Variants in DARS1 observed in about 807,000 individuals in gnomAD.
The protein encoded by DARS1 is aspartyl-tRNA synthetase 1.
DARS1 carries 51 observed loss-of-function variants against 68.8 expected under a neutral mutation model. The ratio of observed to expected loss-of-function variants is 0.74; its 90% CI spans 0.59 to 0.94. The LOEUF (loss-of-function observed/expected upper bound fraction) is 0.94. Ranked by LOEUF, DARS1 falls within the 40% of genes least tolerant of loss-of-function variation. The pLI is 0.00. For missense variants in DARS1, 607 were observed against 597.3 expected, an observed-to-expected ratio of 1.02 and a Z score of -0.17; for synonymous variants, 203 against 190.4, an observed-to-expected ratio of 1.07 and a Z score of -0.55.
At chr2:135,907,515 A>G in intron 15 of DARS1, 108 bp from the exon 16 acceptor site, 1 of 692,376 alleles carries the variant, frequency 1.4e-6, no homozygotes, top group Non-Finnish European at 2.3e-6. Flanking sequence ...TTTCCTTGTT[A>G]GGAAAGAAAA....
chr2:135,979,086 T>G (rs1000138199), intron 3 of DARS1, 188 bp downstream of exon 3: 2 of 439,834 alleles, frequency 4.5e-6, no homozygotes, highest in African/African-American at 4.1e-5. Flanking sequence ...TCAAATTATT[T>G]GTAAGGATGT....
At chr2:135,974,251 A>G (rs1238018405) in intron 3 of DARS1, among the ~76,000 whole-genome samples, 2 of 152,226 alleles carry the variant, frequency 1.3e-5, no homozygotes, top group Non-Finnish European at 1.5e-5. Context: ...GCACATGTAC[A>G]GGTCTGGCAT....
At chr2:135,911,071 C>A in intron 15 of DARS1, 68 bp downstream of exon 15, 1 of 716,592 alleles carries the variant, frequency 1.4e-6, no homozygotes, top group Non-Finnish European at 2.4e-6. Context: ...TTTAAAAATT[C>A]TTGTAATTCA....
intron 3 of DARS1, among the ~76,000 whole-genome samples, chr2:135,975,315 A>C (rs1682471107): frequency 6.6e-6 from 1 of 152,198 alleles, no homozygotes; most frequent in African/African-American, 2.4e-5. Context: ...ACTGCACTCC[A>C]GCCTGGGCGA....
intron 7 of DARS1, among the ~76,000 whole-genome samples, chr2:135,931,348 T>C (rs1395991181): frequency 6.6e-6 from 1 of 152,188 alleles, no homozygotes; most frequent in Admixed American, 6.5e-5. Context: ...GCAATCCTCC[T>C]GCTTCAGCCT....
chr2:135,949,717 A>T (rs1681802448), intron 4 of DARS1, among the ~76,000 whole-genome samples: 1 of 152,216 alleles, frequency 6.6e-6, no homozygotes, highest in Non-Finnish European at 1.5e-5. Context: ...CAAATTGATT[A>T]AAATAATGTG....
chr2:135,950,982 C>T (rs1294884540), intron 4 of DARS1, among the ~76,000 whole-genome samples: 2 of 151,962 alleles, frequency 1.3e-5, no homozygotes, highest in African/African-American at 4.8e-5. Context: ...CAGGAAGAGG[C>T]TGAAAAGACT....
intron 3 of DARS1, among the ~76,000 whole-genome samples, chr2:135,965,093 G>A (rs997888580): frequency 4.6e-5 from 7 of 151,910 alleles, no homozygotes; most frequent in South Asian, 2.1e-4. Flanking sequence ...ATAATAGACC[G>A]TATTAGATAA....
At chr2:135,966,683 T>C (rs189441507) in intron 3 of DARS1, among the ~76,000 whole-genome samples, 1 of 152,078 alleles carries the variant, frequency 6.6e-6, no homozygotes, top group Non-Finnish European at 1.5e-5. Context: ...AAGCGTGTAA[T>C]CCCATGCCTA....
At position 135,961,615 on chromosome 2, in the gene DARS1, C is replaced by CGCAT. The variant is rs1429623141; in HGVS notation, c.218-121_218-118dup. ...CAAAATTTACTATACTCATCAGGCA[C>CGCAT]GCATGCATGTGTATACTATCCATTT... On this transcript the variant is annotated intron_variant, in intron 3 of 15. Transcript: ENST00000264161. The CGCAT allele has an allele frequency of 1.6e-5, 11 of 675,804 alleles. No individual in the cohort carries two copies. In the African/African-American group the frequency reaches 1.8e-4, roughly 11 times the overall value. The allele number at this position is 675,804 out of a possible 1,614,324, so 41.9% of individuals were successfully genotyped here.
chr2:135,912,680 T>C, intron 12 of DARS1, 114 bp from the exon 13 acceptor site: 1 of 480,052 alleles, frequency 2.1e-6, no homozygotes, highest in Non-Finnish European at 3.7e-6. Flanking sequence ...CTAATTATAT[T>C]GTATATACAA....
chr2:135,931,073 C>T (rs746093770), intron 7 of DARS1, among the ~76,000 whole-genome samples: 1 of 152,026 alleles, frequency 6.6e-6, no homozygotes, highest in Non-Finnish European at 1.5e-5. Context: ...CATTCATATA[C>T]GAGAAAAAAG....
At chr2:135,963,473 G>A (rs2104835651) in intron 3 of DARS1, among the ~76,000 whole-genome samples, 2 of 151,702 alleles carry the variant, frequency 1.3e-5, no homozygotes. Flanking sequence ...CCGGGTTCAA[G>A]CGATTCTCCT....
rs1476401695 is a variant in DARS1, at chr2:135,943,291, A to G, written c.423+87T>C. The stretch of plus-strand genomic sequence containing the variant: ...TTATAAACCTCAGTATTTTACATTA[A>G]TTAGTAAGAACATATAAATTTGACA... On this transcript the variant is annotated intron_variant, in intron 5 of 15. Transcript: ENST00000264161. 5.3e-6 allele frequency: 8 copies of G among 1,503,638 alleles called. No individual in the cohort carries two copies. In the South Asian group the frequency reaches 6.7e-5, roughly 13 times the overall value. 93.1% of individuals were successfully genotyped at this position (1,503,638 alleles called of 1,614,324 possible).
intron 2 of DARS1, among the ~76,000 whole-genome samples, chr2:135,982,040 C>A (rs1452906203): frequency 6.6e-6 from 1 of 152,068 alleles, no homozygotes; most frequent in Non-Finnish European, 1.5e-5. Flanking sequence ...TGTTTTATTT[C>A]CAAAGCATAA....
Position 135,985,499 on chromosome 2 carries a change from C to A in DARS1, c.-31G>T, listed in dbSNP as rs1459583333. 1.2e-6 allele frequency: 2 copies of A among 1,613,878 alleles called. No homozygotes were observed. Among genetic ancestry groups the A allele is most frequent in the Admixed American group, 1.7e-5 (1 of 60,004 alleles). On this transcript the variant is annotated 5_prime_UTR_variant, in exon 1 of 16. Coordinates refer to ENST00000264161, the MANE Select transcript of DARS1 (RefSeq NM_001349.4). ...CACGGAACTGGGCAGTGGACACCAC[C>A]CTCCCTCGCAGGCTTCCGTAAGGCA...
chr2:135,937,581 A>G (rs1681498229), intron 5 of DARS1, among the ~76,000 whole-genome samples: 1 of 152,204 alleles, frequency 6.6e-6, no homozygotes. Context: ...GTTTCTTCCT[A>G]GCATCGACGG....
chr2:135,954,325 CAAAAAAAAAA>C (rs1172207033), intron 4 of DARS1, among the ~76,000 whole-genome samples: 3 of 81,478 alleles, frequency 3.7e-5, no homozygotes, highest in African/African-American at 1.4e-4. Context: ...AAAACAAAAC[CAAAAAAAAAA>C]AAAAAAAAAA....
chr2:135,916,287 A>G lies in DARS1; in HGVS notation c.1045T>C (p.Cys349Arg), dbSNP rs983120058. 9 of 1,560,754 alleles carry G rather than the reference A, an allele frequency of 5.8e-6. No homozygotes were observed. The South Asian group carries it at 1.0e-4, about 17-fold the overall frequency. ...TCCCTAAGCATAGCCAATGCTTCAC[A>G]ATATTCTAGTCTTAGAGTTGGCTCC... ...FLEPTLRLEY[C>R]EALAMLREAG... Residue 349 changes from cysteine to arginine, a missense_variant, in exon 11 of 16, where the codon TGT (cysteine) becomes CGT (arginine). Transcript: ENST00000264161.
Sources: allele counts gnomAD v4.1 joint callset (sites outside exome capture counted in the v4.1 genomes callset), GRCh38; gene constraint gnomAD v4.1.1; transcripts MANE v1.5; gene names NCBI Gene and HGNC (gene_info 2026-07-23, HGNC 2026-07-21).